The following CELF2 variants were observed in gnomAD, a reference collection of about 807,000 sequenced individuals.
The protein encoded by CELF2 is CUGBP Elav-like family member 2.
In CELF2, 8 loss-of-function variants were observed where a neutral mutation model predicts 62.6. That is an observed-to-expected ratio of 0.13 (90% CI 0.07 to 0.23). The LOEUF (loss-of-function observed/expected upper bound fraction) is 0.23. Among genes scored for constraint, CELF2 ranks in the 10% least tolerant of loss-of-function variants. The probability of loss-of-function intolerance (pLI) is 1.00; values close to 1 mark genes in which losing one functional copy is unlikely to be tolerated. For missense variants in CELF2, 333 were observed against 671.0 expected (o/e 0.50, Z 5.56); for synonymous variants, 258 against 250.0 (o/e 1.03, Z -0.30).
intron 8 of CELF2, among the ~76,000 whole-genome samples, chr10:11,282,233 C>T (rs2089172032): frequency 1.3e-5 from 2 of 152,106 alleles, no homozygotes; most frequent in Admixed American, 1.3e-4. Flanking sequence ...GATACCAATG[C>T]ACAGGAGGAG....
In CELF2 at chr10:11,270,919, AT is replaced by A; in HGVS notation, c.777+99del. The A allele has an allele frequency of 8.8e-7, 1 of 1,136,342 alleles. No homozygotes were observed. The highest frequency in any genetic ancestry group is 1.2e-6 in the Non-Finnish European group (1 of 860,474). 70.4% of individuals were successfully genotyped at this position (1,136,342 alleles called of 1,614,324 possible). On this transcript the variant is annotated intron_variant, in intron 7 of 12. Coordinates refer to ENST00000633077, the MANE Select transcript of CELF2 (RefSeq NM_001326342.2). This position sits in a 1 kb window ranked among gnomAD's most constrained non-coding sequence, Gnocchi z 5.8. ...ACGCTGAGGCATTTGTTTTCAGTAC[AT>A]TTTCAATCTCGGGGAATTATTGAAA...
chr10:10,758,230 G>A, the CELF2 span, among the ~76,000 whole-genome samples: 85,393 of 152,080 alleles, frequency 0.56, 24,695 homozygotes, highest in African/African-American at 0.7. Flanking sequence ...GCTGACTGCC[G>A]TCGTGGAAGG....
At chr10:10,532,919 C>G in the CELF2 span, among the ~76,000 whole-genome samples, 3 of 151,034 alleles carry the variant, frequency 2.0e-5, no homozygotes, top group Non-Finnish European at 2.9e-5. Flanking sequence ...CAACCCCACT[C>G]AAGAAGACAT....
chr10:11,271,784 T>A (rs528891265), intron 7 of CELF2, among the ~76,000 whole-genome samples: 1 of 152,244 alleles, frequency 6.6e-6, no homozygotes, highest in East Asian at 1.9e-4. Context: ...ATTTTAACTA[T>A]CCCTCTTGTG....
At chr10:10,701,719 G>A in the CELF2 span, among the ~76,000 whole-genome samples, 11 of 152,360 alleles carry the variant, frequency 7.2e-5, no homozygotes, top group Admixed American at 2.0e-4. Flanking sequence ...GCCCATAGGC[G>A]AGATGGGTAA....
the CELF2 span, among the ~76,000 whole-genome samples, chr10:10,463,676 GAC>G: frequency 6.6e-6 from 1 of 152,110 alleles, no homozygotes; most frequent in East Asian, 1.9e-4. Flanking sequence ...GAAGCAGGAA[GAC>G]ACACGGAGAG....
At chr10:10,523,544 C>T in the CELF2 span, among the ~76,000 whole-genome samples, 1 of 152,168 alleles carries the variant, frequency 6.6e-6, no homozygotes, top group Non-Finnish European at 1.5e-5. Flanking sequence ...AAAACCAGCA[C>T]AGAAAGACCC....
At chr10:10,875,928 T>C (rs1370526346) in intron 1 of CELF2, among the ~76,000 whole-genome samples, 1 of 152,208 alleles carries the variant, frequency 6.6e-6, no homozygotes, top group Admixed American at 6.5e-5. Flanking sequence ...GCAGCCTTAA[T>C]GGTGCATTTA....
intron 1 of CELF2, among the ~76,000 whole-genome samples, chr10:11,032,352 C>G (rs868669272): frequency 6.6e-6 from 1 of 152,004 alleles, no homozygotes; most frequent in African/African-American, 2.4e-5. Context: ...TGGGGTGACT[C>G]AGTGCCTTTC....
chr10:11,181,685 T>G (rs554381417), intron 2 of CELF2, among the ~76,000 whole-genome samples: 1 of 152,364 alleles, frequency 6.6e-6, no homozygotes, highest in African/African-American at 2.4e-5. Context: ...TTTGTGCCAT[T>G]CTGCAGTTGC....
chr10:10,921,917 T>C (rs2064960779), intron 2 of CELF2, among the ~76,000 whole-genome samples: 1 of 152,250 alleles, frequency 6.6e-6, no homozygotes, highest in South Asian at 2.1e-4. Context: ...TGTCCTAGGA[T>C]ATTGCCTAGA....
intron 1 of CELF2, among the ~76,000 whole-genome samples, chr10:11,053,039 C>T (rs927628628): frequency 6.6e-6 from 1 of 151,702 alleles, no homozygotes; most frequent in Non-Finnish European, 1.5e-5. Flanking sequence ...AGTATTGGTT[C>T]ATTACTTTAA....
chr10:11,071,856 T>G (rs2070147750), intron 1 of CELF2, among the ~76,000 whole-genome samples: 1 of 152,204 alleles, frequency 6.6e-6, no homozygotes, highest in African/African-American at 2.4e-5. Context: ...CTTTCATATC[T>G]CACCCCTGAC....
chr10:10,926,763 AGG>A (rs1271112075), intron 2 of CELF2, among the ~76,000 whole-genome samples: 11 of 152,304 alleles, frequency 7.2e-5, no homozygotes, highest in African/African-American at 2.6e-4. Context: ...GCAAGGAGAA[AGG>A]TAGGAGTCGG....
the CELF2 span, among the ~76,000 whole-genome samples, chr10:10,694,223 G>A: frequency 0.016 from 2,370 of 152,026 alleles, 45 homozygotes; most frequent in South Asian, 0.079. Context: ...CTTTGTTCTC[G>A]TTGGTTTCAA....
the CELF2 span, among the ~76,000 whole-genome samples, chr10:10,754,854 G>A: frequency 6.6e-6 from 1 of 152,180 alleles, no homozygotes; most frequent in African/African-American, 2.4e-5. Flanking sequence ...TCCTTCTTAT[G>A]ATAACACCTG....
At chr10:11,240,927 A>C (rs375324518) in intron 3 of CELF2, among the ~76,000 whole-genome samples, 4 of 152,196 alleles carry the variant, frequency 2.6e-5, no homozygotes, top group African/African-American at 9.6e-5. Flanking sequence ...TTGTGCTCCC[A>C]CCGGACAGAC....
the CELF2 span, among the ~76,000 whole-genome samples, chr10:10,559,233 CTA>C: frequency 6.6e-6 from 1 of 152,154 alleles, no homozygotes; most frequent in Admixed American, 6.5e-5. Flanking sequence ...CATGTCTGAC[CTA>C]TGTCACTGGT....
At chr10:10,518,726 T>TAAAAAAAA in the CELF2 span, among the ~76,000 whole-genome samples, 219 of 151,000 alleles carry the variant, frequency 1.5e-3, 1 homozygote, top group East Asian at 0.018. Context: ...GATTTTTTTT[T>TAAAAAAAA]AAAAAAAAAT....
Sources: allele counts gnomAD v4.1 joint callset (sites outside exome capture counted in the v4.1 genomes callset), GRCh38; gene constraint gnomAD v4.1.1; non-coding constraint Gnocchi (gnomAD v3.1); transcripts MANE v1.5; gene names NCBI Gene and HGNC (gene_info 2026-07-23, HGNC 2026-07-21).